ASPM: variants seen among roughly 807,000 people sequenced by gnomAD.
ASPM encodes the protein assembly factor for spindle microtubules.
Under a neutral mutation model 366.4 loss-of-function variants are expected in ASPM, and 256 were observed. The observed-to-expected ratio is 0.70, with a 90% CI of 0.63 to 0.77. The LOEUF (loss-of-function observed/expected upper bound fraction) is 0.77, where lower values mean the gene tolerates loss of function less well. Ranked by LOEUF, ASPM falls within the 30% of genes least tolerant of loss-of-function variation. The probability of loss-of-function intolerance (pLI) is 0.00; values close to 1 mark genes in which losing one functional copy is unlikely to be tolerated. For missense variants in ASPM, 4,146 were observed against 4,090.4 expected (o/e 1.01, Z -0.37); for synonymous variants, 1,414 against 1,342.9 (o/e 1.05, Z -1.16).
rs912960136 is a variant in ASPM at position 197,100,381 on chromosome 1, G to A, written c.8820+50C>T. 28 of 1,206,602 alleles carry A rather than the reference G, an allele frequency of 2.3e-5. No individual in the cohort carries two copies. The African/African-American group carries it at 4.4e-4, about 19-fold the overall frequency. The allele number at this position is 1,206,602 out of a possible 1,614,324, so 74.7% of individuals were successfully genotyped here. On this transcript the variant is annotated intron_variant, in intron 18 of 27. Transcript: ENST00000367409. ...CATTTTATACATTCTAACAAATATT[G>A]GTCAAAAGAAAGACTCACAGTTTTA...
Position 197,103,718 on chromosome 1 carries a change from G to T in ASPM, c.5533C>A (p.Gln1845Lys). ...TTTATTATAGATTGAAGCACAGATT[G>T]ATATTTTACCCTTTTATTATAGCCT... ...FRGYNKRVKY[Q>K]SVLQSIIKIQ... The change falls in exon 18 of 28, where the codon CAA (glutamine) becomes AAA (lysine). Residue 1845 changes from glutamine (Q) to lysine (K), a missense_variant. By Grantham distance (53) the Gln-to-Lys change is moderately conservative (BLOSUM62 1). Transcript: ENST00000367409. 6.2e-7 allele frequency: 1 copy of T among 1,612,806 alleles called. No homozygotes were observed. Among genetic ancestry groups the T allele is most frequent in the Non-Finnish European group, 8.5e-7 (1 of 1,179,356 alleles).
At chr1:197,122,650 T>G (rs1250333313) in intron 13 of ASPM, 55 bp from the exon 14 acceptor site, 6 of 1,468,396 alleles carry the variant, frequency 4.1e-6, no homozygotes, top group Non-Finnish European at 5.6e-6. Context: ...AGTATAGACA[T>G]AATGGTTTGC....
At position 197,146,367 on chromosome 1, in the gene ASPM, A is replaced by G; in HGVS notation, c.71T>C (p.Leu24Pro). The G allele has an allele frequency of 6.2e-7, 1 of 1,607,850 alleles. No individual in the cohort carries two copies. Among genetic ancestry groups the G allele is most frequent in the South Asian group, 1.1e-5 (1 of 90,954 alleles). ...SPTERRPPAG[L>P]RGPAAEEEAS... ...CTCCTCCTCGGCCGCGGGGCCCCGC[A>G]GCCCCGCGGGCGGCCTCCGCTCGGT... Residue 24 changes from leucine to proline, a missense_variant, in exon 1 of 28, where the codon CTG becomes CCG. Leu to Pro is a moderately conservative substitution (Grantham distance 98). This residue lies in a region of ASPM where 512 missense variants were observed against 471.7 expected (regional missense o/e 1.09). Coordinates refer to ENST00000367409, the MANE Select transcript of ASPM (RefSeq NM_018136.5).
At chr1:197,112,046 A>G (rs912659537) in intron 17 of ASPM, among the ~76,000 whole-genome samples, 1 of 152,164 alleles carries the variant, frequency 6.6e-6, no homozygotes, top group Admixed American at 6.6e-5. Context: ...GTTCAATCAT[A>G]AAGAAGCATG....
chr1:197,139,828 C>A lies in ASPM; in HGVS notation c.1965G>T (p.Arg655Ser). The A allele has an allele frequency of 6.2e-7, 1 of 1,612,172 alleles. No homozygotes were observed. Among genetic ancestry groups the A allele is most frequent in the Non-Finnish European group, 8.5e-7 (1 of 1,178,458 alleles). Residue 655 changes from arginine to serine, a missense_variant, in exon 4 of 28, where the codon AGG (arginine) becomes AGT (serine). Transcript: ENST00000367409. Reference sequence around the variant, plus strand: ...GTGCCACAGCGATAATGGGTTTTGTCCTTTTGTTTGTTTTAGAAATTGGAG... The same window carrying A: ...GTGCCACAGCGATAATGGGTTTTGTACTTTTGTTTGTTTTAGAAATTGGAG... Reference protein sequence around the residue: ...FRTPISKTNKRTKPIIAVAQS... With the variant: ...FRTPISKTNKSTKPIIAVAQS...
chr1:197,121,688 G>C (rs1253235066), intron 16 of ASPM, among the ~76,000 whole-genome samples: 2 of 152,140 alleles, frequency 1.3e-5, no homozygotes, highest in Admixed American at 1.3e-4. Flanking sequence ...CCCTGGAACA[G>C]ACTAGGTGAA....
chr1:197,105,852 G>GT (rs1254106373), intron 17 of ASPM, among the ~76,000 whole-genome samples: 1 of 151,972 alleles, frequency 6.6e-6, no homozygotes, highest in East Asian at 1.9e-4. Context: ...CCAACTGTAT[G>GT]TTGGCTCAAC....
In ASPM at chr1:197,102,606, T is replaced by A; in HGVS notation, c.6645A>T (p.Ile2215=). The change falls in exon 18 of 28, where the codon ATA becomes ATT. Residue 2215 remains isoleucine (I), a synonymous_variant. Coordinates refer to ENST00000367409, the MANE Select transcript of ASPM (RefSeq NM_018136.5). ...AGTATCTTTGCTGTACTGTTTTTGT[T>A]ATTTTCTTTAACTTATTAAAGTATG... ...QQTYFNKLKK[I]TKTVQQRYWA... is the part of the protein sequence containing the mutation. 1 of 1,612,558 alleles carries A rather than the reference T, an allele frequency of 6.2e-7. No individual in the cohort carries two copies. Among genetic ancestry groups the A allele is most frequent in the Non-Finnish European group, 8.5e-7 (1 of 1,179,258 alleles).
At chr1:197,093,811 A>G (rs553208941) in intron 20 of ASPM, among the ~76,000 whole-genome samples, 2 of 151,864 alleles carry the variant, frequency 1.3e-5, no homozygotes, top group South Asian at 2.1e-4. Flanking sequence ...AAAAAATGCA[A>G]TATCTGCAAA....
Position 197,126,883 on chromosome 1 carries a change from T to C in ASPM, c.2936+1607A>G, listed in dbSNP as rs1186786081. 2.0e-5 allele frequency among the ~76,000 whole-genome samples: 3 copies of C among 152,306 alleles called. No homozygotes were observed. The East Asian group carries it at 5.8e-4, about 29-fold the overall frequency. On this transcript the variant is annotated intron_variant, in intron 10 of 27. Coordinates refer to ENST00000367409, the MANE Select transcript of ASPM (RefSeq NM_018136.5). ...GCCAAGCGGTCCTCTGACCTCTGCT[T>C]GAACCTTCCAACACTGTGAACTGGT...
intron 17 of ASPM, among the ~76,000 whole-genome samples, chr1:197,105,507 C>T (rs1037873568): frequency 6.6e-6 from 1 of 151,882 alleles, no homozygotes; most frequent in African/African-American, 2.4e-5. Context: ...ATATTCTTTG[C>T]TATCTATTGA....
Position 197,102,601 on chromosome 1 carries a change from TTTG to T in ASPM, c.6647_6649del (p.Thr2216del), listed in dbSNP as rs1265792430. ...TGCCCAGTATCTTTGCTGTACTGTT[TTTG>T]TTATTTTCTTTAACTTATTAAAGTA... On this transcript the variant is annotated inframe_deletion, in exon 18 of 28. Transcript: ENST00000367409. 5 of 1,612,382 alleles carry T rather than the reference TTTG, an allele frequency of 3.1e-6. No individual in the cohort carries two copies. In the African/African-American group the frequency reaches 4.0e-5, roughly 13 times the overall value.
chr1:197,144,304 A>T (rs1311763152), intron 1 of ASPM, among the ~76,000 whole-genome samples: 2 of 152,194 alleles, frequency 1.3e-5, no homozygotes, highest in Non-Finnish European at 2.9e-5. Context: ...CAGGGTTCAC[A>T]ACAAAATAAA....
At chr1:197,122,824 C>T (rs1030332737) in intron 13 of ASPM, among the ~76,000 whole-genome samples, 1 of 152,166 alleles carries the variant, frequency 6.6e-6, no homozygotes, top group South Asian at 2.1e-4. Flanking sequence ...TGATTTCAGA[C>T]TTCTAACCTC....
chr1:197,090,072 C>T lies in ASPM; in HGVS notation c.9842G>A (p.Arg3281Lys). 1 of 1,612,914 alleles carries T rather than the reference C, an allele frequency of 6.2e-7. No homozygotes were observed. Among genetic ancestry groups the T allele is most frequent in the Non-Finnish European group, 8.5e-7 (1 of 1,179,492 alleles). The change falls in exon 25 of 28, where the codon AGA becomes AAA. Residue 3281 changes from arginine to lysine, a missense_variant. Around this residue, in one of 3 missense-constraint regions of ASPM, gnomAD observed 3,624 missense variants for 3,591.7 expected, o/e 1.01. Transcript: ENST00000367409. ...GTTCTCACAACAAAGTGGAGACAAT[C>T]TAGTAACTACCTCTGAAAGAAAAAA... is the stretch of plus-strand genomic sequence containing the variant. Reference protein sequence around the residue: ...EALKHLEVVTRLSPLCCENMA... With the variant: ...EALKHLEVVTKLSPLCCENMA...
In ASPM at chr1:197,095,086, T is replaced by C. The variant is rs768654720; in HGVS notation, c.8988-906A>G. ...TCACCTCGAACATTTATCATTTCCT[T>C]CTATTAGGAAACTTCTAATTCTATT... On this transcript the variant is annotated intron_variant, in intron 19 of 27. Coordinates refer to ENST00000367409, the MANE Select transcript of ASPM (RefSeq NM_018136.5). 8.6e-5 allele frequency among the ~76,000 whole-genome samples: 13 copies of C among 151,962 alleles called. No individual in the cohort carries two copies. In the East Asian group the frequency reaches 2.5e-3, roughly 29 times the overall value.
At chr1:197,093,380 C>T (rs2125089641) in intron 20 of ASPM, 119 bp from the exon 21 acceptor site, 2 of 863,422 alleles carry the variant, frequency 2.3e-6, no homozygotes, top group South Asian at 1.4e-5. Context: ...TCTAAGAATG[C>T]CATGTTTCAT....
intron 10 of ASPM, among the ~76,000 whole-genome samples, chr1:197,125,546 T>C (rs1658064456): frequency 6.6e-6 from 1 of 152,116 alleles, no homozygotes; most frequent in South Asian, 2.1e-4. Flanking sequence ...GGATGTACTA[T>C]ATTGTACACA....
rs1657182626 is a variant in ASPM at position 197,101,566 on chromosome 1, C to T, written c.7685G>A (p.Ser2562Asn). Residue 2562 changes from serine to asparagine, a missense_variant, in exon 18 of 28, where the codon AGC (serine) becomes AAC (asparagine). Ser to Asn is a conservative substitution (Grantham distance 46). Around this residue, in one of 3 missense-constraint regions of ASPM, gnomAD observed 3,624 missense variants for 3,591.7 expected, o/e 1.01. Coordinates refer to ENST00000367409, the MANE Select transcript of ASPM (RefSeq NM_018136.5). ...EKHKASIVIQ[S>N]TYRMYRQYCF... ...ATACTGCCTATACATTCTGTAGGTG[C>T]TTTGTATTACGATAGAAGCTTTGTG... 6.2e-7 allele frequency: 1 copy of T among 1,609,414 alleles called. No homozygotes were observed. The highest frequency in any genetic ancestry group is 1.1e-5 in the South Asian group (1 of 91,036).
Sources: allele counts gnomAD v4.1 joint callset (sites outside exome capture counted in the v4.1 genomes callset), GRCh38; gene constraint gnomAD v4.1.1; regional missense constraint gnomAD v4.1.1; transcripts MANE v1.5; gene names NCBI Gene and HGNC (gene_info 2026-07-23, HGNC 2026-07-21).